The following DST variants were observed in gnomAD, a reference collection of about 807,000 sequenced individuals.
DST encodes bullous pemphigoid antigen.
Under a neutral mutation model 875.2 loss-of-function variants are expected in DST, and 253 were observed. The ratio of observed to expected loss-of-function variants is 0.29; its 90% CI spans 0.26 to 0.32. DST has a LOEUF of 0.32. Ranked by LOEUF, DST falls within the 10% of genes least tolerant of loss-of-function variation. The pLI is 1.00. For missense variants in DST, 8,287 were observed against 9,111.6 expected (o/e 0.91, Z 3.68); for synonymous variants, 3,124 against 3,197.1 (o/e 0.98, Z 0.77).
Position 56,573,869 on chromosome 6 carries a change from T to C in DST, c.13046A>G (p.Tyr4349Cys). 6.2e-7 allele frequency: 1 copy of C among 1,612,792 alleles called. No individual in the cohort carries two copies. The highest frequency in any genetic ancestry group is 1.1e-5 in the South Asian group (1 of 90,994). Residue 4349 changes from tyrosine to cysteine, a missense_variant, in exon 51 of 104, where the codon TAT becomes TGT. Transcript: ENST00000680361. ...QKTLDDIVGR[Y>C]EDLSKSVNER... ...ATTAACAGACTTGGACAGATCCTCA[T>C]ATCTCCCAACAATGTCATCTACTCC...
intron 15 of DST, 107 bp from the exon 16 acceptor site, chr6:56,642,610 A>T: frequency 6.2e-7 from 1 of 1,614,070 alleles, no homozygotes. Context: ...TCCCACACCA[A>T]TGATTCAATA....
intron 9 of DST, among the ~76,000 whole-genome samples, chr6:56,680,560 G>A (rs2099152202): frequency 6.6e-6 from 1 of 152,196 alleles, no homozygotes; most frequent in Non-Finnish European, 1.5e-5. Context: ...TGATCTCACT[G>A]AGGCATCTGT....
At chr6:56,953,255 G>C (rs967324519) in intron 2 of DST, among the ~76,000 whole-genome samples, 2 of 152,218 alleles carry the variant, frequency 1.3e-5, no homozygotes, top group Admixed American at 1.3e-4. Context: ...CACGTTTTGA[G>C]AGTGGAGACT....
intron 2 of DST, among the ~76,000 whole-genome samples, chr6:56,905,371 C>A (rs1049793366): frequency 6.6e-6 from 1 of 152,146 alleles, no homozygotes; most frequent in Non-Finnish European, 1.5e-5. Flanking sequence ...ATTCAGCTGG[C>A]GTAACGGAAA....
intron 4 of DST, among the ~76,000 whole-genome samples, chr6:56,819,479 G>A (rs926687888): frequency 2.0e-5 from 3 of 152,060 alleles, no homozygotes; most frequent in African/African-American, 7.2e-5. Context: ...ATATACAACG[G>A]CATACATTGA....
chr6:56,752,064 T>C (rs2099588739), intron 4 of DST, among the ~76,000 whole-genome samples: 1 of 152,072 alleles, frequency 6.6e-6, no homozygotes, highest in Non-Finnish European at 1.5e-5. Flanking sequence ...CAAGTGGGTC[T>C]CCAGTATTTC....
At chr6:56,937,437 G>C (rs960505091) in intron 2 of DST, among the ~76,000 whole-genome samples, 2 of 152,102 alleles carry the variant, frequency 1.3e-5, no homozygotes, top group African/African-American at 4.8e-5. Flanking sequence ...AGTCTTTAGG[G>C]AAATGCAAAT....
chr6:56,557,232 C>T, intron 59 of DST, 87 bp downstream of exon 59: 2 of 1,305,050 alleles, frequency 1.5e-6, no homozygotes, highest in Non-Finnish European at 2.2e-6. Flanking sequence ...CACCTACTGA[C>T]CAAAGTTAAT....
intron 95 of DST, 106 bp from the exon 96 acceptor site, chr6:56,470,388 C>A: frequency 1.2e-6 from 1 of 851,012 alleles, no homozygotes; most frequent in South Asian, 3.2e-5. Flanking sequence ...CATCAGTGAT[C>A]AAATATATTA....
intron 5 of DST, among the ~76,000 whole-genome samples, chr6:56,716,337 G>A (rs1174899606): frequency 6.6e-6 from 1 of 152,182 alleles, no homozygotes; most frequent in Admixed American, 6.5e-5. Flanking sequence ...ATGATGCTGG[G>A]AAACTGAATA....
At chr6:56,729,634 A>G (rs912727979) in intron 5 of DST, among the ~76,000 whole-genome samples, 1 of 151,700 alleles carries the variant, frequency 6.6e-6, no homozygotes, top group Non-Finnish European at 1.5e-5. Context: ...AAATTCCCCT[A>G]TTTAATCTGA....
intron 3 of DST, among the ~76,000 whole-genome samples, chr6:56,865,291 G>C (rs868279777): frequency 0.01 from 1,540 of 151,226 alleles, 26 homozygotes; most frequent in African/African-American, 0.035. Flanking sequence ...GTGTGTGTGT[G>C]TGTGTCTGTA....
At chr6:56,635,349 A>G (rs1408084445) in intron 24 of DST, among the ~76,000 whole-genome samples, 1 of 152,086 alleles carries the variant, frequency 6.6e-6, no homozygotes, top group Non-Finnish European at 1.5e-5. Context: ...AACTAAACAC[A>G]CACGTGCACA....
At chr6:56,488,609 T>C (rs111859468) in intron 86 of DST, among the ~76,000 whole-genome samples, 1 of 152,160 alleles carries the variant, frequency 6.6e-6, no homozygotes, top group Non-Finnish European at 1.5e-5. Flanking sequence ...GCAGCCAACC[T>C]ATGTGAAGAT....
At chr6:56,692,546 G>A (rs13205013) in intron 9 of DST, 1 of 1,289,226 alleles carries the variant, frequency 7.8e-7, no homozygotes, top group Non-Finnish European at 1.0e-6. Flanking sequence ...GGGTCTTCAG[G>A]AAACCCACTT....
At chr6:56,538,804 T>G (rs2097066420) in intron 61 of DST, among the ~76,000 whole-genome samples, 1 of 152,200 alleles carries the variant, frequency 6.6e-6, no homozygotes, top group Non-Finnish European at 1.5e-5. Flanking sequence ...AAATAAATTA[T>G]GAGATTCACC....
intron 3 of DST, among the ~76,000 whole-genome samples, chr6:56,855,033 A>G (rs1767177555): frequency 6.6e-6 from 1 of 152,214 alleles, no homozygotes; most frequent in South Asian, 2.1e-4. Context: ...AGGGTAGTGA[A>G]GATAAAGCTG....
chr6:56,616,747 T>G (rs1231216956), intron 36 of DST: 6 of 1,614,086 alleles, frequency 3.7e-6, no homozygotes, highest in Admixed American at 3.3e-5. Flanking sequence ...TATGTTTACC[T>G]TTTTGTCTGT....
At chr6:56,826,975 A>C (rs908806923) in intron 4 of DST, among the ~76,000 whole-genome samples, 1 of 152,166 alleles carries the variant, frequency 6.6e-6, no homozygotes, top group African/African-American at 2.4e-5. Flanking sequence ...CTTTTAGAAG[A>C]CTGTAACAAG....
Sources: gnomAD v4.1 joint callset for allele counts (sites outside exome capture counted in the v4.1 genomes callset) on GRCh38, gnomAD v4.1.1 for gene constraint, MANE v1.5 for transcripts, NCBI Gene and HGNC (gene_info 2026-07-23, HGNC 2026-07-21) for gene names.